BCL7C: variants seen among roughly 807,000 people sequenced by gnomAD.
The protein encoded by BCL7C is B-cell CLL/lymphoma 7 protein family member C.
Under a neutral mutation model 26.2 loss-of-function variants are expected in BCL7C, and 8 were observed. The ratio of observed to expected loss-of-function variants is 0.30; its 90% CI spans 0.18 to 0.55. The LOEUF (loss-of-function observed/expected upper bound fraction) is 0.55, where lower values mean the gene tolerates loss of function less well. Among genes scored for constraint, BCL7C ranks in the 20% least tolerant of loss-of-function variants. The pLI, the probability that BCL7C is intolerant of heterozygous loss-of-function variation, is 0.93. For synonymous variants in BCL7C, 90 were observed against 116.5 expected (o/e 0.77, Z 1.47); for missense variants, 262 against 298.5 (o/e 0.88, Z 0.90).
chr16:30,864,832 TCCCCCCCACCCCCA>T (rs931181849), intron 5 of BCL7C, among the ~76,000 whole-genome samples: 8 of 137,250 alleles, frequency 5.8e-5, no homozygotes, highest in African/African-American at 1.1e-4. Flanking sequence ...CGATATATTC[TCCCCCCCACCCCCA>T]CCCCCCCACC....
rs1327304034 is a variant in BCL7C, at chr16:30,880,836, C to CTAAA, written c.528+8020_528+8023dup. On this transcript the variant is annotated intron_variant, in intron 5 of 5. Transcript: ENST00000380317. ...ACCTCAGCCTCCCAAGTAGCTGGAA[C>CTAAA]TAAAGGTGTGCACCATCATGCCCGG... 3.9e-5 allele frequency among the ~76,000 whole-genome samples: 6 copies of CTAAA among 151,958 alleles called. 1 individual carries two copies. Among genetic ancestry groups the CTAAA allele is most frequent in the Admixed American group, 3.9e-4 (6 of 15,214 alleles).
chr16:30,879,362 C>T (rs573035341), intron 5 of BCL7C, among the ~76,000 whole-genome samples: 7 of 152,104 alleles, frequency 4.6e-5, no homozygotes, highest in Non-Finnish European at 8.8e-5. Context: ...CAGGGCCCAT[C>T]TCTTCTCCAC....
At chr16:30,844,965 C>G (rs1391793893) in intron 5 of BCL7C, among the ~76,000 whole-genome samples, 3 of 152,190 alleles carry the variant, frequency 2.0e-5, no homozygotes, top group African/African-American at 7.2e-5. Context: ...GCTCTTGCTG[C>G]AGTTTTTCAG....
At chr16:30,863,212 C>T (rs915265107) in intron 5 of BCL7C, among the ~76,000 whole-genome samples, 1 of 152,198 alleles carries the variant, frequency 6.6e-6, no homozygotes, top group Non-Finnish European at 1.5e-5. Flanking sequence ...GCCTAATCGC[C>T]ACTCACCAGC....
intron 5 of BCL7C, chr16:30,851,648 T>C: frequency 1.6e-6 from 1 of 608,256 alleles, no homozygotes; most frequent in Non-Finnish European, 2.9e-6. Context: ...TTGGTGCATC[T>C]CATCGATTTG....
At chr16:30,878,046 G>C (rs2054978969) in intron 5 of BCL7C, among the ~76,000 whole-genome samples, 1 of 151,680 alleles carries the variant, frequency 6.6e-6, no homozygotes, top group South Asian at 2.1e-4. Context: ...GTGGTGGCAG[G>C]CACCTGTAAT....
At chr16:30,840,342 C>A (rs1437230634) in intron 5 of BCL7C, among the ~76,000 whole-genome samples, 2 of 151,526 alleles carry the variant, frequency 1.3e-5, no homozygotes, top group East Asian at 3.9e-4. Context: ...CTCAGCCTCT[C>A]GAGTAGCTGG....
chr16:30,865,954 C>T (rs556274313), intron 5 of BCL7C, among the ~76,000 whole-genome samples: 15 of 149,934 alleles, frequency 1.0e-4, no homozygotes, highest in Non-Finnish European at 1.5e-4. Context: ...AAGCTTGTCT[C>T]GAACTCCTGA....
chr16:30,870,857 C>T (rs2054876620), intron 5 of BCL7C, among the ~76,000 whole-genome samples: 1 of 152,130 alleles, frequency 6.6e-6, no homozygotes, highest in Non-Finnish European at 1.5e-5. Flanking sequence ...GGGATGGGCA[C>T]CTGGGTTCCA....
chr16:30,871,879 T>C (rs1434994221), intron 5 of BCL7C, among the ~76,000 whole-genome samples: 1 of 152,184 alleles, frequency 6.6e-6, no homozygotes, highest in Non-Finnish European at 1.5e-5. Context: ...AGATGGACCC[T>C]AATCATCCTG....
rs2055294179 is a variant in BCL7C, at chr16:30,893,617, A to C, written c.92+236T>G. Among the ~76,000 whole-genome samples, 1 of 151,838 alleles carries C rather than the reference A, an allele frequency of 6.6e-6. No homozygotes were observed. Among genetic ancestry groups the C allele is most frequent in the Admixed American group, 6.6e-5 (1 of 15,264 alleles). On this transcript the variant is annotated intron_variant, in intron 1 of 5. Coordinates refer to ENST00000215115, the MANE Select transcript of BCL7C (RefSeq NM_004765.4). The surrounding 1 kb of genome is among the most constrained non-coding windows in gnomAD (Gnocchi z 5.2). ...CCTGCAGGAGGGGTGTCAAAGCTTT[A>C]GGGGGCGGGGCACAAGAGGGGGCTC...
In BCL7C at chr16:30,859,661, T is replaced by C. The variant is rs968612006; in HGVS notation, c.529-24513A>G. Among the ~76,000 whole-genome samples, 6 of 152,136 alleles carry C rather than the reference T, an allele frequency of 3.9e-5. No homozygotes were observed. The East Asian group carries it at 9.6e-4, about 24-fold the overall frequency. On this transcript the variant is annotated intron_variant, in intron 5 of 5. Coordinates refer to the BCL7C transcript ENST00000380317. Reference sequence around the variant, plus strand: ...ACCTTTAAGAAGGTACTTTGTAATATTCTCCCCTGCCCTTAAGAAGGTACT... The same window carrying C: ...ACCTTTAAGAAGGTACTTTGTAATACTCTCCCCTGCCCTTAAGAAGGTACT...
intron 5 of BCL7C, among the ~76,000 whole-genome samples, chr16:30,862,778 G>A (rs757889004): frequency 1.3e-5 from 2 of 151,970 alleles, no homozygotes; most frequent in Non-Finnish European, 2.9e-5. Flanking sequence ...TTTCACCTTT[G>A]GATACCTGGT....
At chr16:30,886,927 C>A (rs1315606729), downstream of BCL7C, among the ~76,000 whole-genome samples, 1 of 152,210 alleles carries the variant, frequency 6.6e-6, no homozygotes, top group East Asian at 1.9e-4. Flanking sequence ...AATCCCAACA[C>A]TTTAGGAGGC....
chr16:30,889,920 T>C (rs1171462250), intron 4 of BCL7C, among the ~76,000 whole-genome samples: 2 of 140,514 alleles, frequency 1.4e-5, no homozygotes. Flanking sequence ...AGTGAGACCT[T>C]GTCTCAAAAA....
At chr16:30,838,287 A>G (rs953187327) in intron 5 of BCL7C, among the ~76,000 whole-genome samples, 10 of 152,258 alleles carry the variant, frequency 6.6e-5, no homozygotes, top group Admixed American at 2.0e-4. Context: ...AAGGAATGTG[A>G]TGATTAAATG....
chr16:30,878,128 T>C (rs1481191601), intron 5 of BCL7C, among the ~76,000 whole-genome samples: 1 of 150,564 alleles, frequency 6.6e-6, no homozygotes, highest in East Asian at 2.0e-4. Flanking sequence ...TGACCCAAGA[T>C]CATGCCACTG....
chr16:30,864,825 T>C (rs1434889555), intron 5 of BCL7C, among the ~76,000 whole-genome samples: 1 of 150,246 alleles, frequency 6.7e-6, no homozygotes, highest in Non-Finnish European at 1.5e-5. Context: ...ACTGATGCGA[T>C]ATATTCTCCC....
rs1419636515 is a variant in BCL7C, at chr16:30,834,867, G to A, written c.*81C>T. 7.4e-7 allele frequency: 1 copy of A among 1,358,028 alleles called. No individual in the cohort carries two copies. The highest frequency in any genetic ancestry group is 9.8e-7 in the Non-Finnish European group (1 of 1,020,224). 84.1% of individuals were successfully genotyped at this position (1,358,028 alleles called of 1,614,324 possible). Reference sequence around the variant, plus strand: ...GTGGGTGAGCTGGGAAGCTCTTTCCGCCCTCGGGGCACAGGTAGTGGCTGG... The same window carrying A: ...GTGGGTGAGCTGGGAAGCTCTTTCCACCCTCGGGGCACAGGTAGTGGCTGG... On this transcript the variant is annotated 3_prime_UTR_variant, in exon 6 of 6. Transcript: ENST00000380317. This position sits in a 1 kb window ranked among gnomAD's most constrained non-coding sequence, Gnocchi z 4.3.
Sources: gnomAD v4.1 joint callset for allele counts (sites outside exome capture counted in the v4.1 genomes callset) on GRCh38, gnomAD v4.1.1 for gene constraint, Gnocchi (gnomAD v3.1) non-coding constraint, MANE v1.5 for transcripts, NCBI Gene and HGNC (gene_info 2026-07-23, HGNC 2026-07-21) for gene names.